ZNF438: variants seen among roughly 807,000 people sequenced by gnomAD.
The protein encoded by ZNF438 is zinc finger protein 438.
A neutral mutation model predicts 38.0 loss-of-function variants in ZNF438; 25 were observed. That is an observed-to-expected ratio of 0.66 (90% CI 0.48 to 0.92). The LOEUF is 0.92. Ranked by LOEUF, ZNF438 falls within the 40% of genes least tolerant of loss-of-function variation. ZNF438 has a pLI of 0.00. For missense variants in ZNF438, 1,007 were observed against 999.6 expected, an observed-to-expected ratio of 1.01 and a Z score of -0.10; for synonymous variants, 372 against 364.1, an observed-to-expected ratio of 1.02 and a Z score of -0.25.
At chr10:30,852,215 C>CT (rs111847519) in intron 4 of ZNF438, among the ~76,000 whole-genome samples, 51 of 145,596 alleles carry the variant, frequency 3.5e-4, no homozygotes, top group East Asian at 1.8e-3. Context: ...TTTCTTTTTT[C>CT]TTTTTTTTTT....
At chr10:30,910,903 A>G (rs917333767) in intron 2 of ZNF438, among the ~76,000 whole-genome samples, 4 of 152,098 alleles carry the variant, frequency 2.6e-5, no homozygotes, top group African/African-American at 7.3e-5. Context: ...TTTCTGGAAT[A>G]GAAAACATCC....
intron 1 of ZNF438, among the ~76,000 whole-genome samples, chr10:31,020,708 A>G (rs886445880): frequency 1.6e-5 from 1 of 62,380 alleles, no homozygotes; most frequent in African/African-American, 1.1e-4. Context: ...CAGTGTTTGA[A>G]TATCTTTTAG....
At chr10:30,866,094 AC>A (rs1429319037) in intron 4 of ZNF438, among the ~76,000 whole-genome samples, 1 of 152,216 alleles carries the variant, frequency 6.6e-6, no homozygotes, top group Non-Finnish European at 1.5e-5. Flanking sequence ...TCACAGTGGA[AC>A]AACAAAAAAG....
At chr10:30,949,121 CA>C (rs1384943486) in intron 1 of ZNF438, among the ~76,000 whole-genome samples, 1 of 152,152 alleles carries the variant, frequency 6.6e-6, no homozygotes, top group Non-Finnish European at 1.5e-5. Context: ...CAACAATTTT[CA>C]ACCCAGAATT....
At chr10:30,951,995 A>C (rs568958122) in intron 1 of ZNF438, among the ~76,000 whole-genome samples, 118 of 150,590 alleles carry the variant, frequency 7.8e-4, no homozygotes, top group African/African-American at 2.7e-3. Flanking sequence ...ACCTGACTTC[A>C]AACTATACTA....
chr10:30,887,597 C>T (rs543601914), intron 3 of ZNF438, among the ~76,000 whole-genome samples: 22 of 152,196 alleles, frequency 1.4e-4, no homozygotes, highest in African/African-American at 5.3e-4. Flanking sequence ...ACCATGTTGG[C>T]CAGGCTGGTC....
chr10:30,968,238 T>C (rs1447811305), intron 1 of ZNF438, among the ~76,000 whole-genome samples: 1 of 152,102 alleles, frequency 6.6e-6, no homozygotes, highest in Non-Finnish European at 1.5e-5. Context: ...ACGTGGCTCC[T>C]ATAAAGCTGA....
At chr10:30,894,222 A>G (rs2041054300) in intron 3 of ZNF438, among the ~76,000 whole-genome samples, 1 of 152,238 alleles carries the variant, frequency 6.6e-6, no homozygotes, top group Non-Finnish European at 1.5e-5. Flanking sequence ...TTTAAACCCA[A>G]AAGAAAATAA....
intron 1 of ZNF438, among the ~76,000 whole-genome samples, chr10:30,948,256 C>T (rs928166015): frequency 8.5e-5 from 13 of 152,122 alleles, no homozygotes; most frequent in Non-Finnish European, 1.6e-4. Context: ...CTGTACATCA[C>T]CATCATCAAA....
At chr10:30,998,036 T>G (rs546085917) in intron 1 of ZNF438, among the ~76,000 whole-genome samples, 1 of 152,200 alleles carries the variant, frequency 6.6e-6, no homozygotes, top group African/African-American at 2.4e-5. Flanking sequence ...TTCAGTTGGG[T>G]CTCTGTCACT....
At chr10:30,979,637 T>C (rs906857442) in intron 1 of ZNF438, among the ~76,000 whole-genome samples, 11 of 152,198 alleles carry the variant, frequency 7.2e-5, no homozygotes, top group Non-Finnish European at 8.8e-5. Context: ...ATCTTTGACA[T>C]ATCTGGACTT....
At chr10:30,887,274 T>C (rs1020254121) in intron 3 of ZNF438, among the ~76,000 whole-genome samples, 5 of 152,360 alleles carry the variant, frequency 3.3e-5, no homozygotes, top group Non-Finnish European at 7.3e-5. Context: ...CTCTGGGCCA[T>C]GCTTTCCCCT....
At chr10:30,947,303 A>C (rs1247337258) in intron 1 of ZNF438, among the ~76,000 whole-genome samples, 1 of 152,268 alleles carries the variant, frequency 6.6e-6, no homozygotes, top group Non-Finnish European at 1.5e-5. Flanking sequence ...GAGGTACAAT[A>C]AAATGGCTGT....
chr10:30,961,470 T>C lies in ZNF438; in HGVS notation c.-191-19819A>G, dbSNP rs867569068. ...ACAACTGTGCCTGGCCTGAAACAAATGATTTGTGAAACTTCTACCAGCTTT... is the reference window on the plus strand; with the variant it reads ...ACAACTGTGCCTGGCCTGAAACAAACGATTTGTGAAACTTCTACCAGCTTT... On this transcript the variant is annotated intron_variant, in intron 1 of 5. Transcript: ENST00000413025. Among the ~76,000 whole-genome samples, 8 of 145,964 alleles carry C rather than the reference T, an allele frequency of 5.5e-5. 2 individuals are homozygous for C. Among genetic ancestry groups the C allele is most frequent in the South Asian group, 2.2e-4 (1 of 4,552 alleles).
At position 31,010,917 on chromosome 10, in the gene ZNF438, A is replaced by G. The variant is rs1025856414; in HGVS notation, c.-192+20916T>C. On this transcript the variant is annotated intron_variant, in intron 1 of 5. Coordinates refer to ENST00000413025, the Ensembl canonical transcript of ZNF438. ...GAAAAAAAAAAAAAAAAAAAAAAAA[A>G]AAAAAGATTTTGTTGAGAAGGACAG... Among the ~76,000 whole-genome samples the G allele has an allele frequency of 1.2e-4, 14 of 113,784 alleles. 1 individual carries two copies. The highest frequency in any genetic ancestry group is 4.2e-4 in the African/African-American group (14 of 33,124). The allele number at this position is 113,784 out of a possible 152,430, so 74.6% of individuals were successfully genotyped here.
At chr10:30,849,135 C>A (rs146981448) in exon 5 of ZNF438, 2 of 1,613,714 alleles carry the variant, frequency 1.2e-6, no homozygotes, top group East Asian at 2.2e-5. Context: ...AGCTTTTGGT[C>A]TCTGAATTCT....
intron 1 of ZNF438, among the ~76,000 whole-genome samples, chr10:30,986,914 A>T (rs2052870579): frequency 6.6e-6 from 1 of 152,182 alleles, no homozygotes; most frequent in African/African-American, 2.4e-5. Context: ...GTGATAACAC[A>T]ATTACAAACC....
intron 5 of ZNF438, among the ~76,000 whole-genome samples, chr10:30,846,936 G>A (rs961863450): frequency 4.6e-5 from 7 of 152,214 alleles, no homozygotes; most frequent in Admixed American, 3.9e-4. Flanking sequence ...GTGTGCACAC[G>A]CTTGAGGCAG....
chr10:30,937,810 C>G (rs2046407641), intron 2 of ZNF438, among the ~76,000 whole-genome samples: 1 of 152,206 alleles, frequency 6.6e-6, no homozygotes, highest in South Asian at 2.1e-4. Context: ...TCACATGTAG[C>G]TGACAAATCA....
Sources: gnomAD v4.1 joint callset for allele counts (sites outside exome capture counted in the v4.1 genomes callset) on GRCh38, gnomAD v4.1.1 for gene constraint, MANE v1.5 for transcripts, NCBI Gene and HGNC (gene_info 2026-07-23, HGNC 2026-07-21) for gene names.